ITPR1: variants seen among roughly 807,000 people sequenced by gnomAD.
The protein encoded by ITPR1 is inositol 1,4,5-trisphosphate receptor type 1, also known as inositol 1,4,5-trisphosphate-gated calcium channel ITPR1.
A neutral mutation model predicts 318.4 loss-of-function variants in ITPR1; 96 were observed. The ratio of observed to expected loss-of-function variants is 0.30; its 90% CI spans 0.26 to 0.36. ITPR1 has a LOEUF of 0.36. ITPR1 is among the 10% of genes least tolerant of loss of function. ITPR1 has a pLI of 1.00. For missense variants in ITPR1, 2,440 were observed against 3,460.2 expected (o/e 0.71, Z 7.40); for synonymous variants, 1,312 against 1,289.9 (o/e 1.02, Z -0.37).
At chr3:4,763,657 C>T (rs1317306125) in intron 44 of ITPR1, among the ~76,000 whole-genome samples, 1 of 152,200 alleles carries the variant, frequency 6.6e-6, no homozygotes, top group Non-Finnish European at 1.5e-5. Context: ...TGCTTCGAAC[C>T]CTTGAGCGAC....
At chr3:4,529,178 C>A (rs1169330973) in intron 4 of ITPR1, among the ~76,000 whole-genome samples, 1 of 152,204 alleles carries the variant, frequency 6.6e-6, no homozygotes, top group Admixed American at 6.5e-5. Flanking sequence ...ATACCTGAGT[C>A]ACCCTGGAAA....
At chr3:4,691,017 C>A in intron 31 of ITPR1, 127 bp from the exon 32 acceptor site, 3 of 540,752 alleles carry the variant, frequency 5.5e-6, no homozygotes, top group Non-Finnish European at 9.4e-6. Context: ...ATGAGAGAAA[C>A]ATATCTTCAT....
intron 4 of ITPR1, among the ~76,000 whole-genome samples, chr3:4,543,692 C>T (rs141146964): frequency 2.8e-4 from 43 of 152,288 alleles, no homozygotes; most frequent in African/African-American, 9.6e-4. Context: ...ATCTGCCCAC[C>T]TCGGCCTCCC....
intron 61 of ITPR1, among the ~76,000 whole-genome samples, chr3:4,845,543 G>A (rs535901471): frequency 1.3e-5 from 2 of 152,324 alleles, no homozygotes; most frequent in South Asian, 2.1e-4. Context: ...TGTCTACTGG[G>A]TGGCAAGAAA....
intron 44 of ITPR1, among the ~76,000 whole-genome samples, chr3:4,752,414 C>T (rs1304496328): frequency 6.6e-6 from 1 of 152,114 alleles, no homozygotes; most frequent in Non-Finnish European, 1.5e-5. Context: ...ATTAAGGATC[C>T]TCAGCCAGGC....
At position 4,677,579 on chromosome 3, in the gene ITPR1, G is replaced by A. The variant is rs182434494; in HGVS notation, c.2967+778G>A. On this transcript the variant is annotated intron_variant, in intron 24 of 61. Coordinates refer to ENST00000649015, the MANE Select transcript of ITPR1 (RefSeq NM_001378452.1). Reference sequence around the variant, plus strand: ...GTGAAGAGGGCACATTTGGGAACAGGTGGGGTTCAAGAGGGAATGGGAGAA... The same window carrying A: ...GTGAAGAGGGCACATTTGGGAACAGATGGGGTTCAAGAGGGAATGGGAGAA... 2.0e-5 allele frequency among the ~76,000 whole-genome samples: 3 copies of A among 152,324 alleles called. No homozygotes were observed. In the East Asian group the frequency reaches 5.8e-4, roughly 29 times the overall value.
rs776145147 is a variant in ITPR1 at position 4,775,231 on chromosome 3, C to T, written c.5980-11C>T. ...CTTTGCTCACCGAACCTGGGGACTA[C>T]CCAATTGCAGAACTTCCTCCGTTGC... is the stretch of plus-strand genomic sequence containing the variant. On this transcript the variant is annotated splice_polypyrimidine_tract_variant and intron_variant, in intron 46 of 61. Coordinates refer to ENST00000649015, the MANE Select transcript of ITPR1 (RefSeq NM_001378452.1). The T allele has an allele frequency of 1.9e-6, 3 of 1,608,252 alleles. No homozygotes were observed. The highest frequency in any genetic ancestry group is 2.2e-5 in the South Asian group (2 of 90,986).
At chr3:4,709,245 C>T (rs12330423) in intron 37 of ITPR1, among the ~76,000 whole-genome samples, 57,407 of 152,012 alleles carry the variant, frequency 0.38, 13,283 homozygotes, top group Non-Finnish European at 0.54. Context: ...TGCAAAGTAC[C>T]GTCTTACAGT....
intron 2 of ITPR1, among the ~76,000 whole-genome samples, chr3:4,496,696 C>T (rs2080601652): frequency 6.6e-6 from 1 of 151,922 alleles, no homozygotes; most frequent in Admixed American, 6.6e-5. Flanking sequence ...GGAGAGTGGG[C>T]AGAGAGAAAG....
intron 55 of ITPR1, among the ~76,000 whole-genome samples, chr3:4,807,812 G>A (rs184374800): frequency 3.9e-5 from 6 of 152,278 alleles, no homozygotes; most frequent in Admixed American, 3.3e-4. Flanking sequence ...AGAGACTTAC[G>A]TCTGTTTCTG....
At position 4,691,261 on chromosome 3, in the gene ITPR1, G is replaced by A; in HGVS notation, c.3946G>A (p.Val1316Ile). 1 of 1,613,208 alleles carries A rather than the reference G, an allele frequency of 6.2e-7. No individual in the cohort carries two copies. Among genetic ancestry groups the A allele is most frequent in the Non-Finnish European group, 8.5e-7 (1 of 1,179,282 alleles). The stretch of plus-strand genomic sequence containing the variant: ...CTGCATAGAGACTCACGGTCGGAAT[G>A]TCCAGTATATAAAGTTCTTACAGAC... ...VHCIETHGRN[V>I]QYIKFLQTIV... Residue 1316 changes from valine to isoleucine, a missense_variant, in exon 32 of 62, where the codon GTC (valine) becomes ATC (isoleucine). By Grantham distance (29) the Val-to-Ile change is conservative. Transcript: ENST00000649015.
At chr3:4,837,393 C>T (rs1024938575) in intron 61 of ITPR1, among the ~76,000 whole-genome samples, 2 of 152,036 alleles carry the variant, frequency 1.3e-5, no homozygotes, top group Non-Finnish European at 2.9e-5. Flanking sequence ...CATGGAAAAG[C>T]CCTTTTGGTT....
chr3:4,736,856 C>T (rs1041973545), intron 44 of ITPR1, among the ~76,000 whole-genome samples: 6 of 152,138 alleles, frequency 3.9e-5, no homozygotes, highest in African/African-American at 1.2e-4. Context: ...GCCCTTTCTG[C>T]GTATGTGCTG....
intron 13 of ITPR1, among the ~76,000 whole-genome samples, chr3:4,659,191 G>C (rs1232118579): frequency 6.6e-6 from 1 of 151,994 alleles, no homozygotes; most frequent in Non-Finnish European, 1.5e-5. Flanking sequence ...AGTATTAGTT[G>C]TGTTTCATCC....
At chr3:4,678,190 C>T (rs774694666) in intron 24 of ITPR1, among the ~76,000 whole-genome samples, 5 of 151,908 alleles carry the variant, frequency 3.3e-5, no homozygotes, top group South Asian at 2.1e-4. Context: ...GTAATTAGGA[C>T]GATAAAGACA....
At chr3:4,645,363 A>G in intron 8 of ITPR1, 24 bp from the exon 9 acceptor site, 1 of 1,564,090 alleles carries the variant, frequency 6.4e-7, no homozygotes, top group Non-Finnish European at 8.8e-7. Context: ...GTACGTGAAA[A>G]AATAACTCGA....
At chr3:4,614,902 A>T (rs2092323336) in intron 4 of ITPR1, among the ~76,000 whole-genome samples, 1 of 152,156 alleles carries the variant, frequency 6.6e-6, no homozygotes, top group South Asian at 2.1e-4. Flanking sequence ...GTGTATTTTC[A>T]TTCCCAGCAG....
At chr3:4,541,421 T>C (rs554488900) in intron 4 of ITPR1, among the ~76,000 whole-genome samples, 65 of 152,336 alleles carry the variant, frequency 4.3e-4, no homozygotes, top group African/African-American at 1.4e-3. Context: ...CTTTCATTGT[T>C]GTTAAAAGCA....
At chr3:4,720,271 A>C (rs751881057) in intron 40 of ITPR1, among the ~76,000 whole-genome samples, 1 of 152,216 alleles carries the variant, frequency 6.6e-6, no homozygotes, top group Non-Finnish European at 1.5e-5. Flanking sequence ...GACAGCTCTC[A>C]GCTGTGAGAC....
Sources: allele counts gnomAD v4.1 joint callset (sites outside exome capture counted in the v4.1 genomes callset), GRCh38; gene constraint gnomAD v4.1.1; transcripts MANE v1.5; gene names NCBI Gene and HGNC (gene_info 2026-07-23, HGNC 2026-07-21).